RTF2: variants seen among roughly 807,000 people sequenced by gnomAD.
RTF2 encodes the protein UPF0549 protein C20orf43.
RTF2 carries 18 observed loss-of-function variants against 38.0 expected under a neutral mutation model. The ratio of observed to expected loss-of-function variants is 0.47; its 90% confidence interval spans 0.33 to 0.70. The LOEUF (loss-of-function observed/expected upper bound fraction) is 0.70. RTF2 is among the 30% of genes least tolerant of loss of function. RTF2 has a pLI of 0.02. For synonymous variants in RTF2, 126 were observed against 137.1 expected, an observed-to-expected ratio of 0.92 and a Z score of 0.57; for missense variants, 311 against 379.6, an observed-to-expected ratio of 0.82 and a Z score of 1.50.
chr20:56,474,176 A>C (rs986858519), intron 2 of RTF2, among the ~76,000 whole-genome samples: 1 of 152,180 alleles, frequency 6.6e-6, no homozygotes, highest in African/African-American at 2.4e-5. Context: ...CCAGTTTGCC[A>C]CCTTTGATTT....
At chr20:56,472,128 G>A (rs1982002847) in intron 1 of RTF2, among the ~76,000 whole-genome samples, 1 of 152,178 alleles carries the variant, frequency 6.6e-6, no homozygotes, top group Non-Finnish European at 1.5e-5. Context: ...GGCTAAGGGG[G>A]AGGATTGCTT....
intron 6 of RTF2, chr20:56,516,590 C>T (rs1003154610): frequency 2.1e-5 from 7 of 331,486 alleles, no homozygotes; most frequent in South Asian, 1.4e-4. Flanking sequence ...CATTTAAGTG[C>T]GCTTTTGTAT....
At chr20:56,472,645 A>G (rs966863754) in intron 1 of RTF2, among the ~76,000 whole-genome samples, 4 of 151,768 alleles carry the variant, frequency 2.6e-5, no homozygotes, top group African/African-American at 7.2e-5. Context: ...AGGCTTTCCC[A>G]TTGTTAGAAA....
Position 56,477,119 on chromosome 20 carries a change from A to T in RTF2, c.393A>T (p.Arg131=). The change falls in exon 4 of 9, where the codon CGA becomes CGT. Residue 131 remains arginine (R), a synonymous_variant. Transcript: ENST00000357348. ...CPVVGLEMNG[R]HRFCFLRCCG... ...TTGTGGGCCTGGAGATGAACGGCCG[A>T]CACAGGTTAGTGACGGACCTGGGAC... is the stretch of plus-strand genomic sequence containing the variant. The T allele has an allele frequency of 3.7e-6, 6 of 1,613,676 alleles. No homozygotes were observed. Among genetic ancestry groups the T allele is most frequent in the Non-Finnish European group, 5.1e-6 (6 of 1,179,856 alleles).
intron 5 of RTF2, among the ~76,000 whole-genome samples, chr20:56,487,207 A>C (rs1490461588): frequency 2.6e-5 from 4 of 152,158 alleles, no homozygotes; most frequent in Non-Finnish European, 4.4e-5. Flanking sequence ...GTAAAACCTC[A>C]CTGTCTGCCG....
chr20:56,507,908 C>T (rs1222831107), intron 5 of RTF2, among the ~76,000 whole-genome samples: 3 of 152,194 alleles, frequency 2.0e-5, no homozygotes, highest in Non-Finnish European at 2.9e-5. Context: ...CCTCCCATAG[C>T]GTGAGACTTC....
rs1433921219 is a variant in RTF2 at position 56,512,170 on chromosome 20, G to A, written c.478-1145G>A. Among the ~76,000 whole-genome samples, 3 of 152,126 alleles carry A rather than the reference G, an allele frequency of 2.0e-5. No individual in the cohort carries two copies. In the East Asian group the frequency reaches 5.8e-4, roughly 29 times the overall value. On this transcript the variant is annotated intron_variant, in intron 5 of 8. Coordinates refer to ENST00000357348, the MANE Select transcript of RTF2 (RefSeq NM_016407.5). ...TCTTAGACCCCTCATTTTTGCAGCT[G>A]AGGAAACTGAGGCCCAGAGAAGTGG...
At chr20:56,472,985 G>A (rs1982049944) in intron 1 of RTF2, among the ~76,000 whole-genome samples, 1 of 152,082 alleles carries the variant, frequency 6.6e-6, no homozygotes, top group African/African-American at 2.4e-5. Context: ...ACAAAAATTA[G>A]CCAGCCCTGG....
intron 4 of RTF2, among the ~76,000 whole-genome samples, chr20:56,483,032 C>T (rs1483369477): frequency 1.3e-5 from 2 of 152,134 alleles, no homozygotes; most frequent in African/African-American, 2.4e-5. Flanking sequence ...ATTTTCACAA[C>T]CTTGAATACA....
At chr20:56,514,813 T>A (rs1984914629) in intron 6 of RTF2, among the ~76,000 whole-genome samples, 1 of 152,194 alleles carries the variant, frequency 6.6e-6, no homozygotes, top group Non-Finnish European at 1.5e-5. Context: ...AAACTCTGAA[T>A]TCAGATGCGA....
At chr20:56,508,974 A>G (rs1984459170) in intron 5 of RTF2, among the ~76,000 whole-genome samples, 1 of 152,240 alleles carries the variant, frequency 6.6e-6, no homozygotes, top group South Asian at 2.1e-4. Flanking sequence ...CTTACTAAAT[A>G]TGACACCAAA....
Position 56,468,649 on chromosome 20 carries a change from G to A in RTF2, c.-49G>A, listed in dbSNP as rs923752564. ...GCTGCGGATTTCGCCGGAAATCCCG[G>A]AAGTGACAGCTTTGGGGGTTTGCTG... On this transcript the variant is annotated 5_prime_UTR_variant, in exon 1 of 9. Transcript: ENST00000357348. 11 of 1,518,804 alleles carry A rather than the reference G, an allele frequency of 7.2e-6. No individual in the cohort carries two copies. The highest frequency in any genetic ancestry group is 9.8e-6 in the Non-Finnish European group (11 of 1,117,778). 94.1% of individuals were successfully genotyped at this position (1,518,804 alleles called of 1,614,324 possible). A position where few individuals can be genotyped will look rare whatever the true frequency, so the allele number is the denominator to read the frequency against.
At position 56,518,261 on chromosome 20, in the gene RTF2, T is replaced by TCTGAAGCCCGCACTGCCACCGCTC. The variant is rs746392570; in HGVS notation, c.921_*23dup. ...TGGGTCACCCACACGTCCTACTGCT[T>TCTGAAGCCCGCACTGCCACCGCTC]CTGAAGCCCGCACTGCCACCGCTCC... On this transcript the variant is annotated stop_gained and inframe_insertion, in exon 9 of 9. Transcript: ENST00000357348. LOFTEE classifies it high-confidence loss of function. 6.2e-6 allele frequency: 10 copies of TCTGAAGCCCGCACTGCCACCGCTC among 1,610,444 alleles called. No individual in the cohort carries two copies. The highest frequency in any genetic ancestry group is 8.5e-6 in the Non-Finnish European group (10 of 1,178,844).
intron 5 of RTF2, among the ~76,000 whole-genome samples, chr20:56,486,290 T>G (rs1302923462): frequency 1.3e-5 from 2 of 152,180 alleles, no homozygotes; most frequent in Non-Finnish European, 2.9e-5. Flanking sequence ...TTCTCTGCAT[T>G]TTTATGGTAA....
rs1179941165 is a variant in RTF2, at chr20:56,468,860, G to A, written c.69+94G>A. ...GAAGTAAGAAGGGGGAGCCAGCGGA[G>A]TTCCAGACCTGGCTGCGGTCTTTTA... On this transcript the variant is annotated intron_variant, in intron 1 of 8. Coordinates refer to ENST00000357348, the MANE Select transcript of RTF2 (RefSeq NM_016407.5). 1.4e-5 allele frequency: 14 copies of A among 1,025,760 alleles called. No homozygotes were observed. In the African/African-American group the frequency reaches 2.3e-4, roughly 17 times the overall value. The allele number at this position is 1,025,760 out of a possible 1,614,324, so 63.5% of individuals were successfully genotyped here. A position where few individuals can be genotyped will look rare whatever the true frequency, so the allele number is the denominator to read the frequency against.
At chr20:56,472,429 T>A in intron 1 of RTF2, 1 of 1,466,452 alleles carries the variant, frequency 6.8e-7, no homozygotes, top group Non-Finnish European at 9.3e-7. Flanking sequence ...TGTGAAAATG[T>A]CATTCGAGGG....
chr20:56,474,481 CAAATAAAT>C (rs1159934593), intron 2 of RTF2, among the ~76,000 whole-genome samples, 189 bp from the exon 3 acceptor site: 4 of 152,102 alleles, frequency 2.6e-5, no homozygotes, highest in African/African-American at 4.8e-5. Flanking sequence ...AACTCTCTCT[CAAATAAAT>C]AAATAAATAA....
intron 5 of RTF2, among the ~76,000 whole-genome samples, chr20:56,500,072 TAGG>T (rs1983829297): frequency 6.6e-6 from 1 of 151,944 alleles, no homozygotes; most frequent in African/African-American, 2.4e-5. Context: ...GTTTTTTTTT[TAGG>T]AGGAGTTTCG....
chr20:56,468,761 G>A lies in RTF2; in HGVS notation c.64G>A (p.Glu22Lys). ...HELVKGPKKV[E>K]KVDKDAELVA... ...ACTGGTGAAGGGGCCGAAGAAGGTTGAGAAGGTCAGTGATGTGGGCCGGCT... is the reference window on the plus strand; with the variant it reads ...ACTGGTGAAGGGGCCGAAGAAGGTTAAGAAGGTCAGTGATGTGGGCCGGCT... Residue 22 changes from glutamate (E) to lysine (K), a missense_variant, in exon 1 of 9, where the codon GAG becomes AAG. Physicochemically the swap from Glu to Lys is moderately conservative, Grantham distance 56. Transcript: ENST00000357348. 2 of 1,581,122 alleles carry A rather than the reference G, an allele frequency of 1.3e-6. No homozygotes were observed. The highest frequency in any genetic ancestry group is 1.2e-5 in the South Asian group (1 of 86,510).
Sources: allele counts gnomAD v4.1 joint callset (sites outside exome capture counted in the v4.1 genomes callset), GRCh38; gene constraint gnomAD v4.1.1; transcripts MANE v1.5; gene names NCBI Gene and HGNC (gene_info 2026-07-23, HGNC 2026-07-21).